Variants in ELFN2 observed in about 807,000 individuals in gnomAD.
The protein encoded by ELFN2 is extracellular leucine rich repeat and fibronectin type III domain containing 2.
In ELFN2, 17 loss-of-function variants were observed where a neutral mutation model predicts 45.5. The observed-to-expected ratio is 0.37, with a 90% CI of 0.26 to 0.56. The LOEUF is 0.56. ELFN2 is among the 20% of genes least tolerant of loss of function. ELFN2 has a pLI of 0.77. For synonymous variants in ELFN2, 550 were observed against 551.5 expected, an observed-to-expected ratio of 1.00 and a Z score of 0.04; for missense variants, 922 against 1,183.2, an observed-to-expected ratio of 0.78 and a Z score of 3.24.
At chr22:37,394,625 G>A (rs549018862) in intron 2 of ELFN2, among the ~76,000 whole-genome samples, 2 of 152,338 alleles carry the variant, frequency 1.3e-5, no homozygotes, top group African/African-American at 4.8e-5. Context: ...TAGGCAGAGC[G>A]ATCCCGCAGC....
intron 2 of ELFN2, among the ~76,000 whole-genome samples, chr22:37,410,919 A>G (rs572702444): frequency 1.3e-5 from 2 of 152,270 alleles, no homozygotes; most frequent in East Asian, 3.9e-4. Flanking sequence ...TAGCACCCAG[A>G]ACCGGGACTC....
At chr22:37,347,767 C>G (rs1930732158) in intron 1 of ELFN2, among the ~76,000 whole-genome samples, 1 of 152,128 alleles carries the variant, frequency 6.6e-6, no homozygotes. Context: ...GATGGGCCCC[C>G]TGGGAAAGTC....
rs1222575622 is a variant in ELFN2, at chr22:37,374,037, C to T, written c.1498G>A (p.Gly500Ser). 1 of 1,613,230 alleles carries T rather than the reference C, an allele frequency of 6.2e-7. No individual in the cohort carries two copies. The highest frequency in any genetic ancestry group is 8.5e-7 in the Non-Finnish European group (1 of 1,180,014). ...GLDTPKVATK[G>S]NYIEVRTGAG... ...CCTGTGCGCACCTCGATATAGTTGCCTTTGGTGGCTACCTTGGGTGTGTCC... is the reference window on the plus strand; with the variant it reads ...CCTGTGCGCACCTCGATATAGTTGCTTTTGGTGGCTACCTTGGGTGTGTCC... Residue 500 changes from glycine (G) to serine (S), a missense_variant, in exon 3 of 3, where the codon GGC (glycine) becomes AGC (serine). By Grantham distance (56) the Gly-to-Ser change is moderately conservative (BLOSUM62 0). Around this residue, in one of 2 missense-constraint regions of ELFN2, gnomAD observed 564 missense variants for 642.8 expected, o/e 0.88. Transcript: ENST00000402918.
chr22:37,350,433 TC>T (rs1342939028), intron 1 of ELFN2, among the ~76,000 whole-genome samples: 1 of 150,394 alleles, frequency 6.6e-6, no homozygotes. Flanking sequence ...CTCAGTGAGC[TC>T]TGGCCACCCA....
chr22:37,375,814 T>C lies in ELFN2; in HGVS notation c.-280A>G. 3 of 492,824 alleles carry C rather than the reference T, an allele frequency of 6.1e-6. No individual in the cohort carries two copies. Among genetic ancestry groups the C allele is most frequent in the Non-Finnish European group, 7.3e-6 (2 of 272,218 alleles). 30.5% of individuals were successfully genotyped at this position (492,824 alleles called of 1,614,324 possible). On this transcript the variant is annotated 5_prime_UTR_variant, in exon 3 of 3. Coordinates refer to ENST00000402918, the MANE Select transcript of ELFN2 (RefSeq NM_052906.5). The stretch of plus-strand genomic sequence containing the variant: ...GTCTCCTGCTAGGAAGGTGCAAGGG[T>C]TCTCAGGGCTTGACTTCCTCTCCCT...
At chr22:37,379,294 C>A (rs139839613) in intron 2 of ELFN2, among the ~76,000 whole-genome samples, 4 of 152,212 alleles carry the variant, frequency 2.6e-5, no homozygotes, top group Admixed American at 2.0e-4. Context: ...GGCTGAACCA[C>A]GAGAATGCAG....
intron 2 of ELFN2, among the ~76,000 whole-genome samples, chr22:37,397,112 T>G (rs765976997): frequency 3.3e-5 from 5 of 152,060 alleles, no homozygotes; most frequent in Non-Finnish European, 5.9e-5. Context: ...CATCACCGCC[T>G]CCAGGAAGCC....
chr22:37,385,657 G>A (rs1931928321), intron 2 of ELFN2, among the ~76,000 whole-genome samples: 3 of 152,186 alleles, frequency 2.0e-5, no homozygotes, highest in South Asian at 4.1e-4. Flanking sequence ...CCAGAGTGGG[G>A]ACACGTAGAA....
chr22:37,381,454 C>CT (rs1931764029), intron 2 of ELFN2, among the ~76,000 whole-genome samples: 1 of 152,116 alleles, frequency 6.6e-6, no homozygotes, highest in African/African-American at 2.4e-5. Flanking sequence ...ACCCCAGGAC[C>CT]TTTGCTCTTC....
chr22:37,350,412 G>T (rs1930795331), intron 1 of ELFN2, among the ~76,000 whole-genome samples: 1 of 150,670 alleles, frequency 6.6e-6, no homozygotes, highest in Non-Finnish European at 1.5e-5. Flanking sequence ...GGCTGCAGGG[G>T]ACTCGGTGGC....
intron 1 of ELFN2, among the ~76,000 whole-genome samples, chr22:37,356,117 G>A (rs1213711393): frequency 6.6e-6 from 1 of 152,292 alleles, no homozygotes; most frequent in South Asian, 2.1e-4. Flanking sequence ...TAATACAAGG[G>A]TCGTTACGGA....
intron 2 of ELFN2, among the ~76,000 whole-genome samples, chr22:37,400,068 G>A (rs756204955): frequency 2.6e-5 from 4 of 152,072 alleles, no homozygotes; most frequent in Admixed American, 2.0e-4. Flanking sequence ...AGCCCTCCAC[G>A]TCCCCAGCCC....
At chr22:37,415,700 C>T (rs1328663049) in intron 2 of ELFN2, among the ~76,000 whole-genome samples, 3 of 152,202 alleles carry the variant, frequency 2.0e-5, no homozygotes, top group Non-Finnish European at 4.4e-5. Context: ...CGGTGGCTCA[C>T]GCCTGTAATC....
intron 2 of ELFN2, among the ~76,000 whole-genome samples, chr22:37,380,274 C>T (rs1397090961): frequency 6.6e-6 from 1 of 152,164 alleles, no homozygotes; most frequent in South Asian, 2.1e-4. Flanking sequence ...CGGAGGTCAG[C>T]AGGGAAGATG....
chr22:37,370,375 G>A lies in ELFN2; in HGVS notation c.*2697C>T, dbSNP rs565910971. On this transcript the variant is annotated 3_prime_UTR_variant, in exon 3 of 3. Transcript: ENST00000402918. ...CCACCCTCTCCCTGAAGCCCCCCAC[G>A]AAGCCCCAAGCTCCTGGCCTCCTAC... 2.0e-5 allele frequency: 3 copies of A among 152,058 alleles called. No homozygotes were observed. The highest frequency in any genetic ancestry group is 2.1e-4 in the South Asian group (1 of 4,794). 9.4% of individuals were successfully genotyped at this position (152,058 alleles called of 1,614,324 possible).
chr22:37,404,886 T>TAA (rs1569141220), intron 2 of ELFN2, among the ~76,000 whole-genome samples: 1 of 152,130 alleles, frequency 6.6e-6, no homozygotes, highest in Non-Finnish European at 1.5e-5. Context: ...AAAATGAGAA[T>TAA]AAAAGCAATA....
intron 2 of ELFN2, among the ~76,000 whole-genome samples, chr22:37,414,294 G>A (rs1932726273): frequency 6.6e-6 from 1 of 152,296 alleles, no homozygotes; most frequent in East Asian, 1.9e-4. Context: ...GAGGCCAAGG[G>A]CAAAGGATAG....
At chr22:37,389,559 A>G in intron 2 of ELFN2, among the ~76,000 whole-genome samples, 1 of 152,004 alleles carries the variant, frequency 6.6e-6, no homozygotes, top group Non-Finnish European at 1.5e-5. Context: ...ACCCCGAGGT[A>G]TAGCCCTTGG....
Position 37,375,827 on chromosome 22 carries a change from A to G in ELFN2, c.-293T>C. 1 of 434,034 alleles carries G rather than the reference A, an allele frequency of 2.3e-6. No homozygotes were observed. The highest frequency in any genetic ancestry group is 4.2e-6 in the Non-Finnish European group (1 of 240,492). The allele number at this position is 434,034 out of a possible 1,614,324, so 26.9% of individuals were successfully genotyped here. A position where few individuals can be genotyped will look rare whatever the true frequency, so the allele number is the denominator to read the frequency against. On this transcript the variant is annotated 5_prime_UTR_variant, in exon 3 of 3. Coordinates refer to ENST00000402918, the MANE Select transcript of ELFN2 (RefSeq NM_052906.5). ...AAGGTGCAAGGGTTCTCAGGGCTTG[A>G]CTTCCTCTCCCTCCTCCTCCTCCTC... is the stretch of plus-strand genomic sequence containing the variant.
Sources: gnomAD v4.1 joint callset for allele counts (sites outside exome capture counted in the v4.1 genomes callset) on GRCh38, gnomAD v4.1.1 for gene constraint, gnomAD v4.1.1 regional missense constraint, MANE v1.5 for transcripts, NCBI Gene and HGNC (gene_info 2026-07-23, HGNC 2026-07-21) for gene names.